STK3: variants seen among roughly 807,000 people sequenced by gnomAD.
STK3 encodes serine/threonine kinase 3, also known as serine/threonine-protein kinase 3.
In STK3, 41 loss-of-function variants were observed where a neutral mutation model predicts 58.0. That is an observed-to-expected ratio of 0.71 (90% CI 0.55 to 0.92). STK3 has a LOEUF of 0.92. Ranked by LOEUF, STK3 falls within the 40% of genes least tolerant of loss-of-function variation. The pLI is 0.00. For synonymous variants in STK3, 170 were observed against 191.0 expected, an observed-to-expected ratio of 0.89 and a Z score of 0.91; for missense variants, 479 against 602.7, an observed-to-expected ratio of 0.79 and a Z score of 2.15.
intron 10 of STK3, among the ~76,000 whole-genome samples, chr8:98,497,795 CA>C (rs1461694567): frequency 2.0e-5 from 3 of 152,130 alleles, no homozygotes; most frequent in African/African-American, 7.2e-5. Context: ...TAGACAATAG[CA>C]AGTGTTGCGA....
At chr8:98,934,409 T>G (rs1840120894) in intron 1 of STK3, among the ~76,000 whole-genome samples, 1 of 152,174 alleles carries the variant, frequency 6.6e-6, no homozygotes. Context: ...ACCCACCTTC[T>G]TTGTTCACAC....
intron 1 of STK3, among the ~76,000 whole-genome samples, chr8:98,928,312 C>T (rs1382839455): frequency 6.6e-6 from 1 of 152,208 alleles, no homozygotes; most frequent in Non-Finnish European, 1.5e-5. Context: ...AATGTTTACT[C>T]TGCCTTATCA....
Position 98,751,316 on chromosome 8 carries a change from C to G in STK3, c.237-1926G>C, listed in dbSNP as rs1587513202. Among the ~76,000 whole-genome samples the G allele has an allele frequency of 3.9e-5, 6 of 152,190 alleles. No individual in the cohort carries two copies. In the South Asian group the frequency reaches 1.2e-3, roughly 32 times the overall value. On this transcript the variant is annotated intron_variant, in intron 3 of 10. Transcript: ENST00000419617. ...AATAGGAAGAGAGGAAGTCAAACTA[C>G]CCCTGTTTGCAGATGACATGATCCT...
At chr8:98,918,526 T>C (rs992452150) in intron 1 of STK3, among the ~76,000 whole-genome samples, 14 of 152,116 alleles carry the variant, frequency 9.2e-5, no homozygotes, top group African/African-American at 3.4e-4. Flanking sequence ...TCCCAGCACT[T>C]TGGGAGGCCT....
chr8:98,542,370 T>C (rs1231861416), intron 9 of STK3, among the ~76,000 whole-genome samples: 3 of 152,200 alleles, frequency 2.0e-5, no homozygotes, highest in African/African-American at 4.8e-5. Flanking sequence ...GGTCAGGAGA[T>C]GCCAAGTGCG....
intron 6 of STK3, among the ~76,000 whole-genome samples, chr8:98,678,438 C>T (rs990269449): frequency 1.3e-5 from 2 of 151,636 alleles, no homozygotes; most frequent in Non-Finnish European, 2.9e-5. Context: ...AAATTAAAAC[C>T]ATGGACTTTT....
intron 1 of STK3, among the ~76,000 whole-genome samples, chr8:98,804,590 T>A (rs999229640): frequency 6.6e-6 from 1 of 152,204 alleles, no homozygotes; most frequent in Admixed American, 6.5e-5. Context: ...TTTGGAAGTC[T>A]TCCCAAGAAT....
At chr8:98,416,582 G>A (rs1395036384) in intron 3 of STK3, among the ~76,000 whole-genome samples, 1 of 152,196 alleles carries the variant, frequency 6.6e-6, no homozygotes, top group South Asian at 2.1e-4. Context: ...AGGAGAGGAG[G>A]TGCTTCCAGC....
chr8:98,516,500 G>A (rs1387876231), intron 10 of STK3, among the ~76,000 whole-genome samples: 1 of 151,982 alleles, frequency 6.6e-6, no homozygotes, highest in Non-Finnish European at 1.5e-5. Flanking sequence ...ATAAAAGATG[G>A]AAGATAGAAT....
At chr8:98,764,288 C>T (rs944525851) in intron 3 of STK3, among the ~76,000 whole-genome samples, 1 of 152,160 alleles carries the variant, frequency 6.6e-6, no homozygotes, top group Admixed American at 6.5e-5. Context: ...AGAATAAGTA[C>T]CTGATTTCCC....
At chr8:98,356,904 A>C in the STK3 span, among the ~76,000 whole-genome samples, 1 of 152,168 alleles carries the variant, frequency 6.6e-6, no homozygotes, top group Non-Finnish European at 1.5e-5. Flanking sequence ...CTGAACCCTG[A>C]GCGTGGTCGG....
intron 1 of STK3, among the ~76,000 whole-genome samples, chr8:98,893,509 AAAGAAAG>A (rs752363478): frequency 0.019 from 2,770 of 148,046 alleles, 45 homozygotes; most frequent in Non-Finnish European, 0.029. Context: ...AGAAAGAAAG[AAAGAAAG>A]AAAGAAAGAA....
At chr8:98,621,229 C>G (rs563615467) in intron 6 of STK3, among the ~76,000 whole-genome samples, 2 of 152,210 alleles carry the variant, frequency 1.3e-5, no homozygotes, top group Non-Finnish European at 2.9e-5. Flanking sequence ...CATGAGCCAC[C>G]GCGCCCGGCC....
At chr8:98,823,408 A>C (rs544057260) in intron 1 of STK3, among the ~76,000 whole-genome samples, 1 of 152,334 alleles carries the variant, frequency 6.6e-6, no homozygotes, top group African/African-American at 2.4e-5. Flanking sequence ...AAAGAGGACC[A>C]CTACATCATG....
intron 6 of STK3, among the ~76,000 whole-genome samples, chr8:98,604,819 C>T (rs1303578184): frequency 1.3e-5 from 2 of 152,130 alleles, no homozygotes; most frequent in African/African-American, 4.8e-5. Flanking sequence ...CATTTCTTTG[C>T]TCATGCATAT....
chr8:98,413,698 GA>G, intron 3 of STK3: 1 of 951,216 alleles, frequency 1.1e-6, no homozygotes, highest in Non-Finnish European at 1.7e-6. Flanking sequence ...AATTGGTTTA[GA>G]AAAGCCACCG....
chr8:98,402,103 TTAA>T (rs1817949410), intron 3 of STK3, among the ~76,000 whole-genome samples: 1 of 152,226 alleles, frequency 6.6e-6, no homozygotes, highest in Non-Finnish European at 1.5e-5. Context: ...ATAATTGGTA[TTAA>T]TAATAGCTTT....
At chr8:98,754,750 T>C (rs575953333) in intron 3 of STK3, among the ~76,000 whole-genome samples, 1 of 152,252 alleles carries the variant, frequency 6.6e-6, no homozygotes, top group South Asian at 2.1e-4. Flanking sequence ...CCTCATGTGT[T>C]CTGCCTGCCT....
intron 1 of STK3, among the ~76,000 whole-genome samples, chr8:98,444,985 TAAG>T (rs1818874072): frequency 1.3e-5 from 2 of 152,346 alleles, no homozygotes; most frequent in East Asian, 3.9e-4. Context: ...ATCTTGGTAC[TAAG>T]AATAGTTGGC....
Sources: allele counts gnomAD v4.1 joint callset (sites outside exome capture counted in the v4.1 genomes callset), GRCh38; gene constraint gnomAD v4.1.1; transcripts MANE v1.5; gene names NCBI Gene and HGNC (gene_info 2026-07-23, HGNC 2026-07-21).